The following PCDH15 variants were observed in gnomAD, a reference collection of about 807,000 sequenced individuals.
The protein encoded by PCDH15 is protocadherin related 15.
Under a neutral mutation model 178.5 loss-of-function variants are expected in PCDH15, and 129 were observed. The ratio of observed to expected loss-of-function variants is 0.72; its 90% CI spans 0.63 to 0.84. The LOEUF (loss-of-function observed/expected upper bound fraction) is 0.84, where lower values mean the gene tolerates loss of function less well. PCDH15 is among the 40% of genes least tolerant of loss of function. The probability of loss-of-function intolerance (pLI) is 0.00; values close to 1 mark genes in which losing one functional copy is unlikely to be tolerated. For missense variants in PCDH15, 2,230 were observed against 2,099.9 expected (o/e 1.06, Z -1.21); for synonymous variants, 800 against 732.0 (o/e 1.09, Z -1.50).
intron 2 of PCDH15, among the ~76,000 whole-genome samples, chr10:55,391,245 C>CTT (rs772142681): frequency 1.3e-3 from 182 of 143,892 alleles, no homozygotes; most frequent in African/African-American, 4.2e-3. Flanking sequence ...ACAGAGACAG[C>CTT]TTTTTTTTTT....
Position 53,806,548 on chromosome 10 carries a change from A to AAATT in PCDH15, c.*27_*30dup, listed in dbSNP as rs774001742. ...CACAGTTTATTAAAAATGTAAGTAA[A>AAATT]AATTAATTAAAATATCTTTTAAAAA... On this transcript the variant is annotated 3_prime_UTR_variant, in exon 38 of 38. Transcript: ENST00000644397. 359 of 1,481,174 alleles carry AAATT rather than the reference A, an allele frequency of 2.4e-4. 1 individual carries two copies. The East Asian group carries it at 6.8e-3, about 28-fold the overall frequency. 91.8% of individuals were successfully genotyped at this position (1,481,174 alleles called of 1,614,324 possible). A position where few individuals can be genotyped will look rare whatever the true frequency, so the allele number is the denominator to read the frequency against.
chr10:53,949,305 G>T (rs555331012), intron 23 of PCDH15, among the ~76,000 whole-genome samples: 1 of 152,316 alleles, frequency 6.6e-6, no homozygotes, highest in Admixed American at 6.5e-5. Context: ...TTCAGGTAAA[G>T]CCAGCTCTTA....
chr10:55,449,052 A>T (rs557151346), intron 2 of PCDH15, among the ~76,000 whole-genome samples: 1 of 152,074 alleles, frequency 6.6e-6, no homozygotes, highest in African/African-American at 2.4e-5. Context: ...TTTGTAATCA[A>T]ATTTATAGAT....
At chr10:54,562,310 T>C (rs892550459) in intron 2 of PCDH15, among the ~76,000 whole-genome samples, 6 of 152,208 alleles carry the variant, frequency 3.9e-5, no homozygotes, top group African/African-American at 1.4e-4. Flanking sequence ...TAATACCTTA[T>C]TGTAGTATGT....
At chr10:54,677,185 A>C (rs374275414) in intron 1 of PCDH15, among the ~76,000 whole-genome samples, 1 of 152,252 alleles carries the variant, frequency 6.6e-6, no homozygotes, top group African/African-American at 2.4e-5. Flanking sequence ...CAGCCTGGGC[A>C]AAGTAGCAAG....
intron 18 of PCDH15, among the ~76,000 whole-genome samples, chr10:54,057,116 T>C (rs1233468554): frequency 3.9e-5 from 6 of 152,182 alleles, no homozygotes; most frequent in Non-Finnish European, 8.8e-5. Context: ...CATGGGCTCA[T>C]GGGCTGGTGT....
At chr10:54,169,368 C>T (rs1254436924) in intron 13 of PCDH15, among the ~76,000 whole-genome samples, 2 of 126,244 alleles carry the variant, frequency 1.6e-5, no homozygotes. Flanking sequence ...TTTTCAAGGG[C>T]CTGTTTCCCT....
intron 1 of PCDH15, among the ~76,000 whole-genome samples, chr10:55,260,835 CTT>C (rs1307575087): frequency 6.6e-5 from 10 of 152,000 alleles, no homozygotes; most frequent in Non-Finnish European, 7.4e-5. Context: ...ATTCTCAAAA[CTT>C]AATGTGAAAT....
chr10:54,685,181 A>C (rs2094973226), intron 1 of PCDH15, among the ~76,000 whole-genome samples: 1 of 152,078 alleles, frequency 6.6e-6, no homozygotes, highest in African/African-American at 2.4e-5. Flanking sequence ...AGAGGCAATA[A>C]CATGCACGGA....
chr10:53,819,176 A>C (rs1173902936), intron 33 of PCDH15, among the ~76,000 whole-genome samples: 2 of 152,054 alleles, frequency 1.3e-5, no homozygotes, highest in Admixed American at 6.6e-5. Context: ...CAGGTAGGGA[A>C]AGCTCATATT....
chr10:55,046,502 C>T (rs547637950), intron 2 of PCDH15, among the ~76,000 whole-genome samples: 1 of 151,848 alleles, frequency 6.6e-6, no homozygotes, highest in South Asian at 2.1e-4. Flanking sequence ...AGGGACTCAA[C>T]CCTAATTTTG....
At chr10:53,976,566 A>C (rs2090198899) in intron 21 of PCDH15, among the ~76,000 whole-genome samples, 1 of 152,062 alleles carries the variant, frequency 6.6e-6, no homozygotes, top group African/African-American at 2.4e-5. Context: ...GCATATACTC[A>C]TCCACAAACT....
intron 2 of PCDH15, among the ~76,000 whole-genome samples, chr10:55,328,667 C>T (rs975042119): frequency 4.6e-5 from 7 of 151,088 alleles, no homozygotes; most frequent in Non-Finnish European, 8.9e-5. Flanking sequence ...GAAAAAAAAC[C>T]CTGTGTCTGC....
chr10:54,794,757 A>C (rs955983167), intron 1 of PCDH15, among the ~76,000 whole-genome samples: 1 of 151,900 alleles, frequency 6.6e-6, no homozygotes, highest in Non-Finnish European at 1.5e-5. Flanking sequence ...TTTTCCTTCT[A>C]TCATTTATAA....
At chr10:54,171,859 T>C (rs1257695269) in intron 13 of PCDH15, among the ~76,000 whole-genome samples, 1 of 151,212 alleles carries the variant, frequency 6.6e-6, no homozygotes, top group African/African-American at 2.4e-5. Flanking sequence ...ATCCCCACAA[T>C]ATCACCCCTT....
intron 2 of PCDH15, among the ~76,000 whole-genome samples, chr10:55,546,683 G>A (rs1255641705): frequency 6.6e-6 from 1 of 152,102 alleles, no homozygotes; most frequent in Non-Finnish European, 1.5e-5. Context: ...CTATGCAGAT[G>A]GTTAAGGGAG....
chr10:53,808,328 GTGTATATA>G (rs1354424319), intron 37 of PCDH15: 33 of 322,978 alleles, frequency 1.0e-4, no homozygotes, highest in African/African-American at 1.6e-4. Flanking sequence ...TAGTGTGTGT[GTGTATATA>G]TATATATATA....
At chr10:55,539,674 T>A (rs1271715014) in intron 2 of PCDH15, among the ~76,000 whole-genome samples, 1 of 152,092 alleles carries the variant, frequency 6.6e-6, no homozygotes, top group Non-Finnish European at 1.5e-5. Flanking sequence ...CAGAATGAAT[T>A]TAACCTTTTC....
chr10:55,148,686 G>A (rs1351820586), intron 2 of PCDH15, among the ~76,000 whole-genome samples: 1 of 151,470 alleles, frequency 6.6e-6, no homozygotes, highest in Non-Finnish European at 1.5e-5. Context: ...ACATTTTATT[G>A]GAAAATCTAT....
Sources: allele counts gnomAD v4.1 joint callset (sites outside exome capture counted in the v4.1 genomes callset), GRCh38; gene constraint gnomAD v4.1.1; transcripts MANE v1.5; gene names NCBI Gene and HGNC (gene_info 2026-07-23, HGNC 2026-07-21).